Variants in PLAA observed in about 807,000 individuals in gnomAD.
PLAA encodes the protein phospholipase A2 activating protein, also known as phospholipase A-2-activating protein.
PLAA carries 48 observed loss-of-function variants against 84.1 expected under a neutral mutation model. The observed-to-expected ratio is 0.57, with a 90% CI of 0.45 to 0.73. The LOEUF is 0.73. Among genes scored for constraint, PLAA ranks in the 30% least tolerant of loss-of-function variants. The pLI, the probability that PLAA is intolerant of heterozygous loss-of-function variation, is 0.00. For synonymous variants in PLAA, 392 were observed against 336.6 expected (o/e 1.16, Z -1.80); for missense variants, 903 against 954.7 (o/e 0.95, Z 0.71).
chr9:26,947,139 G>C lies in PLAA; in HGVS notation c.-94C>G. 3 of 1,367,740 alleles carry C rather than the reference G, an allele frequency of 2.2e-6. No homozygotes were observed. The highest frequency in any genetic ancestry group is 3.2e-5 in the South Asian group (2 of 63,454). 84.7% of individuals were successfully genotyped at this position (1,367,740 alleles called of 1,614,324 possible). A position where few individuals can be genotyped will look rare whatever the true frequency, so the allele number is the denominator to read the frequency against. ...AGCGCCGGGCCGCGGCGGGAGAAGA[G>C]CCTGCAGGTAAGGGGCGGCCGGAGA... On this transcript the variant is annotated 5_prime_UTR_variant, in exon 1 of 14. Transcript: ENST00000397292.
intron 7 of PLAA, among the ~76,000 whole-genome samples, chr9:26,922,959 AT>A (rs1824816814): frequency 6.6e-6 from 1 of 152,136 alleles, no homozygotes; most frequent in Admixed American, 6.6e-5. Flanking sequence ...TGGGAGATTT[AT>A]TTTTTAATTC....
chr9:26,940,672 A>T (rs1825503466), intron 1 of PLAA, among the ~76,000 whole-genome samples: 2 of 152,226 alleles, frequency 1.3e-5, no homozygotes, highest in African/African-American at 2.4e-5. Flanking sequence ...GTATCACAAT[A>T]AAAAAACTGG....
intron 4 of PLAA, 64 bp downstream of exon 4, chr9:26,928,036 G>C (rs1825034453): frequency 6.6e-7 from 1 of 1,516,416 alleles, no homozygotes; most frequent in Non-Finnish European, 8.9e-7. Flanking sequence ...GTAAACTTCT[G>C]AGAAAAAAAA....
In PLAA at chr9:26,905,720, A is replaced by T. The variant is rs776522650; in HGVS notation, c.2179T>A (p.Ser727Thr). ...ACTTCCAAGATTGTGCTAATTAGTG[A>T]CAAACATTGGGCTTTCCCTTCAATG... The part of the protein sequence containing the change: ...HNIEGKAQCL[S>T]LISTILEVVQ... Residue 727 changes from serine (S) to threonine (T), a missense_variant, in exon 14 of 14, where the codon TCA (serine) becomes ACA (threonine). By Grantham distance (58) the Ser-to-Thr change is moderately conservative. Transcript: ENST00000397292. 1 of 1,614,140 alleles carries T rather than the reference A, an allele frequency of 6.2e-7. No homozygotes were observed. Among genetic ancestry groups the T allele is most frequent in the East Asian group, 2.2e-5 (1 of 44,888 alleles).
intron 13 of PLAA, 35 bp from the exon 14 acceptor site, chr9:26,906,111 A>G (rs779933464): frequency 6.9e-6 from 9 of 1,311,168 alleles, no homozygotes; most frequent in African/African-American, 1.5e-5. Context: ...TGCTTATGAA[A>G]ATAAAGAAAA....
At chr9:26,928,950 C>G (rs923206740) in intron 2 of PLAA, among the ~76,000 whole-genome samples, 21 of 152,182 alleles carry the variant, frequency 1.4e-4, no homozygotes, top group African/African-American at 5.1e-4. Flanking sequence ...GTAATCCCTG[C>G]ACTTTGGGAG....
intron 2 of PLAA, among the ~76,000 whole-genome samples, chr9:26,929,192 A>C (rs1286684670): frequency 6.6e-6 from 1 of 151,998 alleles, no homozygotes; most frequent in Non-Finnish European, 1.5e-5. Flanking sequence ...ACACAGCAAG[A>C]TTCTGTCTTT....
chr9:26,917,081 C>A lies in PLAA; in HGVS notation c.1486+16G>T. 1.2e-6 allele frequency: 2 copies of A among 1,608,222 alleles called. No individual in the cohort carries two copies. Among genetic ancestry groups the A allele is most frequent in the South Asian group, 2.2e-5 (2 of 90,800 alleles). On this transcript the variant is annotated intron_variant, in intron 10 of 13. Coordinates refer to ENST00000397292, the MANE Select transcript of PLAA (RefSeq NM_001031689.3). ...ATTTAGTGAAGAAAGATACATGAAT[C>A]AAAACTACATCCCACCTGTAAAAGG...
intron 2 of PLAA, among the ~76,000 whole-genome samples, chr9:26,929,788 C>T (rs1215878313): frequency 2.0e-5 from 3 of 152,144 alleles, no homozygotes; most frequent in Non-Finnish European, 2.9e-5. Flanking sequence ...AGCATCACCT[C>T]TCTGATGTTT....
intron 13 of PLAA, among the ~76,000 whole-genome samples, chr9:26,907,389 C>T (rs1203354510): frequency 6.6e-6 from 1 of 152,088 alleles, no homozygotes; most frequent in Admixed American, 6.6e-5. Flanking sequence ...ATTAGCCGGG[C>T]ATGGTGGCGG....
rs1824154568 is a variant in PLAA, at chr9:26,903,938, G to A, written c.*1573C>T. On this transcript the variant is annotated 3_prime_UTR_variant, in exon 14 of 14. Coordinates refer to ENST00000397292, the MANE Select transcript of PLAA (RefSeq NM_001031689.3). The stretch of plus-strand genomic sequence containing the variant: ...TTTGTACTTAAGAAAGCAGTGTATT[G>A]TAAAGGAACCAGCCAGACCTGGGTT... 1 of 153,686 alleles carries A rather than the reference G, an allele frequency of 6.5e-6. No homozygotes were observed. The highest frequency in any genetic ancestry group is 6.6e-5 in the Admixed American group (1 of 15,258). 9.5% of individuals were successfully genotyped at this position (153,686 alleles called of 1,614,324 possible). A position where few individuals can be genotyped will look rare whatever the true frequency, so the allele number is the denominator to read the frequency against.
At chr9:26,939,204 C>G (rs1032565788) in intron 1 of PLAA, among the ~76,000 whole-genome samples, 3 of 151,818 alleles carry the variant, frequency 2.0e-5, no homozygotes, top group Admixed American at 2.0e-4. Flanking sequence ...CTGGCTAACA[C>G]GGTGAAACCC....
chr9:26,908,982 C>T (rs1824320790), intron 12 of PLAA, among the ~76,000 whole-genome samples: 1 of 152,164 alleles, frequency 6.6e-6, no homozygotes, highest in South Asian at 2.1e-4. Flanking sequence ...TTTGATGTCA[C>T]ATTATTTTAA....
intron 6 of PLAA, 89 bp from the exon 7 acceptor site, chr9:26,923,436 G>A: frequency 1.0e-6 from 1 of 994,706 alleles, no homozygotes; most frequent in Non-Finnish European, 1.5e-6. Flanking sequence ...AAAATAATCT[G>A]TGTTTGTGAA....
chr9:26,930,756 T>G (rs528251415), intron 2 of PLAA, among the ~76,000 whole-genome samples: 7 of 152,040 alleles, frequency 4.6e-5, no homozygotes, highest in African/African-American at 1.7e-4. Flanking sequence ...CTAATTTTTT[T>G]GTATTTAGTA....
Position 26,933,589 on chromosome 9 carries a change from T to C in PLAA, c.343+1424A>G, listed in dbSNP as rs535642923. On this transcript the variant is annotated intron_variant, in intron 2 of 13. Coordinates refer to ENST00000397292, the MANE Select transcript of PLAA (RefSeq NM_001031689.3). Reference sequence around the variant, plus strand: ...AAATCACAAGGTCAGGAGATCGAGATCATCCTGGCTAACATGGTAAAACCC... The same window carrying C: ...AAATCACAAGGTCAGGAGATCGAGACCATCCTGGCTAACATGGTAAAACCC... Among the ~76,000 whole-genome samples the C allele has an allele frequency of 1.4e-3, 210 of 151,578 alleles. 3 individuals are homozygous for C. In the South Asian group the frequency reaches 0.027, roughly 19 times the overall value.
chr9:26,908,036 G>A (rs942557322), intron 12 of PLAA, 38 bp from the exon 13 acceptor site: 1 of 1,494,954 alleles, frequency 6.7e-7, no homozygotes. Context: ...TTCTCTAACT[G>A]TAATTGGCCA....
At chr9:26,928,976 T>C (rs558408310) in intron 2 of PLAA, among the ~76,000 whole-genome samples, 164 of 152,180 alleles carry the variant, frequency 1.1e-3, no homozygotes, top group Non-Finnish European at 2.1e-3. Context: ...GGCAGGCGGA[T>C]TGCTTGAGCT....
In PLAA at chr9:26,910,417, A is replaced by T. The variant is rs1188614595; in HGVS notation, c.1578T>A (p.Ala526=). The change falls in exon 12 of 14, where the codon GCT becomes GCA. Residue 526 remains alanine (A), a synonymous_variant. Transcript: ENST00000397292. ...PFTGNSAYRS[A]ASKTMNIYFP... ...AATAAATATTCATTGTTTTAGATGC[A>T]GCTGATCGGTAGGCACTATTCCCTA... 6.2e-7 allele frequency: 1 copy of T among 1,612,978 alleles called. No homozygotes were observed. The highest frequency in any genetic ancestry group is 1.1e-5 in the South Asian group (1 of 91,064).
Sources: allele counts gnomAD v4.1 joint callset (sites outside exome capture counted in the v4.1 genomes callset), GRCh38; gene constraint gnomAD v4.1.1; transcripts MANE v1.5; gene names NCBI Gene and HGNC (gene_info 2026-07-23, HGNC 2026-07-21).